TG: variants seen among roughly 807,000 people sequenced by gnomAD.
TG encodes thyroglobulin.
In TG, 270 loss-of-function variants were observed where a neutral mutation model predicts 324.7. That is an observed-to-expected ratio of 0.83 (90% CI 0.75 to 0.92). The LOEUF is 0.92. TG is among the 40% of genes least tolerant of loss of function. TG has a pLI of 0.00. For synonymous variants in TG, 1,401 were observed against 1,327.0 expected (o/e 1.06, Z -1.21); for missense variants, 3,591 against 3,456.4 (o/e 1.04, Z -0.98).
At chr8:133,045,394 T>C (rs920343641) in intron 41 of TG, among the ~76,000 whole-genome samples, 1 of 136,466 alleles carries the variant, frequency 7.3e-6, no homozygotes, top group Non-Finnish European at 1.6e-5. Flanking sequence ...TTGCTTTTTT[T>C]TTTTTTTTTT....
intron 1 of TG, 143 bp downstream of exon 1, chr8:132,867,210 A>T (rs1437891178): frequency 1.4e-6 from 1 of 738,350 alleles, no homozygotes; most frequent in East Asian, 2.7e-5. Flanking sequence ...TTTTTTTCAG[A>T]TGAAGAGGCA....
rs745843270 is a variant in TG, at chr8:132,873,106, G to T, written c.523G>T (p.Val175Leu). 3 of 1,614,056 alleles carry T rather than the reference G, an allele frequency of 1.9e-6. No individual in the cohort carries two copies. Among genetic ancestry groups the T allele is most frequent in the Non-Finnish European group, 1.7e-6 (2 of 1,180,036 alleles). ...AAGAAATCGTCGTCTTCTCCACGGG[G>T]TGGGAGATAAGTCACCACCCCAGTG... ...EIRNRRLLHG[V>L]GDKSPPQCSA... The change falls in exon 5 of 48, where the codon GTG becomes TTG. Residue 175 changes from valine (V) to leucine (L), a missense_variant. Transcript: ENST00000220616.
intron 10 of TG, among the ~76,000 whole-genome samples, chr8:132,889,863 G>A (rs1332301963): frequency 6.6e-6 from 1 of 152,054 alleles, no homozygotes. Context: ...TGTAACCTCC[G>A]CCTCCCAAGT....
chr8:133,110,594 CA>C (rs1850178997), intron 43 of TG, among the ~76,000 whole-genome samples: 1 of 152,150 alleles, frequency 6.6e-6, no homozygotes, highest in Admixed American at 6.5e-5. Context: ...TAATTGAAAC[CA>C]ATTAAACCCA....
intron 41 of TG, among the ~76,000 whole-genome samples, chr8:133,032,249 T>C (rs1587812486): frequency 6.6e-6 from 1 of 152,316 alleles, no homozygotes; most frequent in South Asian, 2.1e-4. Context: ...ATTCCAGTTT[T>C]CTGCAATCTG....
chr8:133,060,068 C>T, intron 41 of TG: 1 of 1,556,756 alleles, frequency 6.4e-7, no homozygotes, highest in Non-Finnish European at 8.6e-7. Context: ...GTAGCACAGA[C>T]TCAAGCATCT....
chr8:133,117,236 G>A (rs1000406054), intron 45 of TG, among the ~76,000 whole-genome samples: 1 of 152,172 alleles, frequency 6.6e-6, no homozygotes, highest in South Asian at 2.1e-4. Flanking sequence ...TAAAGGAAGG[G>A]CCAAGCAATG....
chr8:133,046,127 A>G (rs960569535), intron 41 of TG, among the ~76,000 whole-genome samples: 13 of 152,206 alleles, frequency 8.5e-5, no homozygotes, highest in Non-Finnish European at 1.5e-5. Flanking sequence ...ATGCAAAATG[A>G]AAGAATTGGA....
intron 40 of TG, among the ~76,000 whole-genome samples, chr8:133,029,269 A>G (rs1357794348): frequency 6.6e-6 from 1 of 152,066 alleles, no homozygotes; most frequent in Non-Finnish European, 1.5e-5. Flanking sequence ...ACAAATGTTA[A>G]TTGGATTCTA....
intron 41 of TG, chr8:133,050,692 C>T: frequency 9.0e-6 from 6 of 669,300 alleles, no homozygotes; most frequent in South Asian, 7.1e-5. Flanking sequence ...TCAAATTTCT[C>T]ACCTCATAAT....
At chr8:133,096,771 A>T (rs1848480893) in intron 43 of TG, among the ~76,000 whole-genome samples, 1 of 152,176 alleles carries the variant, frequency 6.6e-6, no homozygotes, top group Admixed American at 6.5e-5. Context: ...ACCCTTTCCC[A>T]ATCCTGAAAA....
At chr8:132,927,237 T>C (rs1822003451) in intron 22 of TG, among the ~76,000 whole-genome samples, 1 of 152,114 alleles carries the variant, frequency 6.6e-6, no homozygotes, top group South Asian at 2.1e-4. Flanking sequence ...TTGTTAGTCA[T>C]TCATTTGCCT....
chr8:133,131,778 A>G (rs1172303514), intron 45 of TG, 34 bp from the exon 46 acceptor site: 1 of 1,613,490 alleles, frequency 6.2e-7, no homozygotes, highest in South Asian at 1.1e-5. Flanking sequence ...CTTTCTCTTG[A>G]CCTTTTGCTG....
At chr8:133,070,751 G>T (rs534451046) in intron 41 of TG, among the ~76,000 whole-genome samples, 1 of 152,178 alleles carries the variant, frequency 6.6e-6, no homozygotes, top group African/African-American at 2.4e-5. Context: ...GGGTCTGCTG[G>T]CAAGACCAGA....
At chr8:132,974,123 A>G (rs1564025494) in intron 34 of TG, among the ~76,000 whole-genome samples, 1 of 150,510 alleles carries the variant, frequency 6.6e-6, no homozygotes, top group East Asian at 2.0e-4. Context: ...CCTCCCAAGT[A>G]GCTGGGATTA....
chr8:132,971,283 C>T (rs564233509), intron 32 of TG, among the ~76,000 whole-genome samples: 2 of 152,248 alleles, frequency 1.3e-5, no homozygotes, highest in South Asian at 4.2e-4. Context: ...TGATTATCCA[C>T]GTTGTACACT....
chr8:132,957,668 C>T (rs748703712), intron 27 of TG, among the ~76,000 whole-genome samples: 7 of 150,072 alleles, frequency 4.7e-5, no homozygotes, highest in Admixed American at 6.7e-5. Flanking sequence ...AAGGGGCAGG[C>T]GTGGGGATGT....
intron 18 of TG, among the ~76,000 whole-genome samples, chr8:132,909,709 C>A (rs1819230000): frequency 6.6e-6 from 1 of 152,184 alleles, no homozygotes; most frequent in Non-Finnish European, 1.5e-5. Context: ...CTTGGTAAGC[C>A]TCAGTCAATC....
chr8:132,890,823 T>C (rs1816122169), intron 10 of TG, among the ~76,000 whole-genome samples: 1 of 152,240 alleles, frequency 6.6e-6, no homozygotes, highest in Non-Finnish European at 1.5e-5. Flanking sequence ...CCTACATGCA[T>C]CACCCACACG....
Sources: gnomAD v4.1 joint callset for allele counts (sites outside exome capture counted in the v4.1 genomes callset) on GRCh38, gnomAD v4.1.1 for gene constraint, MANE v1.5 for transcripts, NCBI Gene and HGNC (gene_info 2026-07-23, HGNC 2026-07-21) for gene names.